MRC1: variants seen among roughly 807,000 people sequenced by gnomAD.
MRC1 encodes macrophage mannose receptor 1.
Under a neutral mutation model 102.9 loss-of-function variants are expected in MRC1, and 62 were observed. That is an observed-to-expected ratio of 0.60 (90% CI 0.49 to 0.74). The LOEUF (loss-of-function observed/expected upper bound fraction) is 0.74. Ranked by LOEUF, MRC1 falls within the 30% of genes least tolerant of loss-of-function variation. MRC1 has a pLI of 0.00. For synonymous variants in MRC1, 457 were observed against 298.4 expected (o/e 1.53, Z -5.48); for missense variants, 1,237 against 862.8 (o/e 1.43, Z -5.43).
chr10:17,907,438 A>G, intron 27 of MRC1, 96 bp from the exon 28 acceptor site: 1 of 767,536 alleles, frequency 1.3e-6, no homozygotes, highest in South Asian at 1.4e-5. Flanking sequence ...TCTAGTATAA[A>G]AGAATATGCT....
intron 9 of MRC1, among the ~76,000 whole-genome samples, chr10:17,857,342 G>T (rs971490544): frequency 2.0e-5 from 3 of 152,100 alleles, no homozygotes; most frequent in African/African-American, 7.2e-5. Context: ...TCCAGCATAC[G>T]TTCATATTCT....
chr10:17,892,562 G>C (rs1473736174), intron 22 of MRC1, among the ~76,000 whole-genome samples: 1 of 152,114 alleles, frequency 6.6e-6, no homozygotes, highest in African/African-American at 2.4e-5. Flanking sequence ...ATTGTGGTTG[G>C]GAGTGACAAC....
intron 26 of MRC1, among the ~76,000 whole-genome samples, chr10:17,903,382 C>CTTTTTTTTTTTTTTTTTTTTTTTTTT: frequency 8.0e-6 from 1 of 125,052 alleles, no homozygotes; most frequent in Non-Finnish European, 1.7e-5. Context: ...TTTTTCTTTT[C>CTTTTTTTTTTTTTTTTTTTTTTTTTT]TTTTTTTTTC....
At chr10:17,877,112 A>C (rs1833447449) in intron 17 of MRC1, among the ~76,000 whole-genome samples, 1 of 149,386 alleles carries the variant, frequency 6.7e-6, no homozygotes, top group East Asian at 1.9e-4. Context: ...ATATATCTAT[A>C]TATAGTGAAA....
chr10:17,900,116 A>AG (rs34040867), intron 24 of MRC1, among the ~76,000 whole-genome samples: 1 of 150,586 alleles, frequency 6.6e-6, no homozygotes, highest in Non-Finnish European at 1.5e-5. Context: ...AAAAAAAAAA[A>AG]GAAAGAAATT....
At chr10:17,867,180 A>C (rs1589185372) in intron 12 of MRC1, among the ~76,000 whole-genome samples, 2 of 114,564 alleles carry the variant, frequency 1.7e-5, no homozygotes, top group African/African-American at 3.4e-5. Flanking sequence ...CCTCCTTTCC[A>C]TCTTTTCTCC....
At chr10:17,839,152 T>A (rs1445982826) in intron 4 of MRC1, among the ~76,000 whole-genome samples, 3 of 152,128 alleles carry the variant, frequency 2.0e-5, no homozygotes, top group Non-Finnish European at 2.9e-5. Context: ...TATTAACTAA[T>A]TCAGTTCTTC....
chr10:17,827,588 C>A lies in MRC1; in HGVS notation c.510C>A (p.Phe170Leu). The change falls in exon 3 of 30, where the codon TTC (phenylalanine) becomes TTA (leucine). Residue 170 changes from phenylalanine (F) to leucine (L), a missense_variant. Transcript: ENST00000569591. Reference protein sequence around the residue: ...LGNANGATCAFPFKFENKWYA... With the variant: ...LGNANGATCALPFKFENKWYA... ...ATGCCAATGGAGCAACCTGTGCATT[C>A]CCGTTCAAGTTTGAAAACAAGTGGT... The A allele has an allele frequency of 1.3e-6, 1 of 780,782 alleles. No individual in the cohort carries two copies. The allele number at this position is 780,782 out of a possible 1,614,324, so 48.4% of individuals were successfully genotyped here.
intron 1 of MRC1, among the ~76,000 whole-genome samples, chr10:17,818,662 A>T (rs1589163398): frequency 1.3e-5 from 2 of 152,266 alleles, no homozygotes; most frequent in African/African-American, 4.8e-5. Flanking sequence ...TACAAAAATT[A>T]GGTGGGTGTG....
chr10:17,876,940 T>G (rs1404369730), intron 17 of MRC1, among the ~76,000 whole-genome samples: 2 of 152,030 alleles, frequency 1.3e-5, no homozygotes, highest in African/African-American at 2.4e-5. Context: ...AAAAATAAGT[T>G]GAACAGTACT....
At chr10:17,813,585 T>C (rs898100168) in intron 1 of MRC1, among the ~76,000 whole-genome samples, 6 of 150,866 alleles carry the variant, frequency 4.0e-5, no homozygotes, top group Non-Finnish European at 7.4e-5. Flanking sequence ...TGTTTGTATC[T>C]AGAAGGCTGA....
intron 27 of MRC1, among the ~76,000 whole-genome samples, chr10:17,907,206 T>A (rs1357679409): frequency 2.0e-5 from 3 of 152,224 alleles, no homozygotes; most frequent in East Asian, 1.9e-4. Context: ...AAAATATCTT[T>A]TGTAGCTAAG....
intron 23 of MRC1, among the ~76,000 whole-genome samples, chr10:17,897,058 G>A (rs934493303): frequency 4.6e-5 from 7 of 152,194 alleles, no homozygotes; most frequent in East Asian, 1.9e-4. Context: ...CTGTGTTCCA[G>A]TAAGACTTTA....
At chr10:17,890,871 T>C (rs915554223) in intron 22 of MRC1, among the ~76,000 whole-genome samples, 4 of 152,100 alleles carry the variant, frequency 2.6e-5, no homozygotes, top group African/African-American at 9.7e-5. Context: ...TCATCTATAT[T>C]TACAGCCGTT....
At chr10:17,843,323 C>T (rs886143407) in intron 5 of MRC1, among the ~76,000 whole-genome samples, 1 of 152,046 alleles carries the variant, frequency 6.6e-6, no homozygotes, top group Admixed American at 6.6e-5. Context: ...GTTTAAGATA[C>T]CTTTATGCTT....
At chr10:17,837,668 G>A (rs1838689208) in intron 4 of MRC1, among the ~76,000 whole-genome samples, 1 of 150,252 alleles carries the variant, frequency 6.7e-6, no homozygotes, top group Non-Finnish European at 1.5e-5. Context: ...TCACTCTGTC[G>A]CCCGGGCTGG....
chr10:17,820,760 A>C (rs1838383168), intron 1 of MRC1, among the ~76,000 whole-genome samples: 1 of 152,240 alleles, frequency 6.6e-6, no homozygotes, highest in African/African-American at 2.4e-5. Flanking sequence ...TGGAGTTTAC[A>C]TATATCTATG....
chr10:17,863,491 A>G (rs1833214768), intron 10 of MRC1, 43 bp from the exon 11 acceptor site: 1 of 780,004 alleles, frequency 1.3e-6, no homozygotes, highest in Non-Finnish European at 2.4e-6. Context: ...ATTGGCATAA[A>G]TGTTTCAAAA....
intron 4 of MRC1, among the ~76,000 whole-genome samples, chr10:17,837,041 A>G (rs1456950752): frequency 1.3e-5 from 2 of 152,128 alleles, no homozygotes; most frequent in African/African-American, 4.8e-5. Flanking sequence ...AAGTGATCTG[A>G]GCGGACAGCG....
Sources: allele counts gnomAD v4.1 joint callset (sites outside exome capture counted in the v4.1 genomes callset), GRCh38; gene constraint gnomAD v4.1.1; transcripts MANE v1.5; gene names NCBI Gene and HGNC (gene_info 2026-07-23, HGNC 2026-07-21).